Variants in UFL1 observed in about 807,000 individuals in gnomAD.
The protein encoded by UFL1 is E3 UFM1-protein ligase 1.
A neutral mutation model predicts 99.3 loss-of-function variants in UFL1; 78 were observed. The observed-to-expected ratio is 0.79, with a 90% CI of 0.65 to 0.95. UFL1 has a LOEUF of 0.95. UFL1 is among the 40% of genes least tolerant of loss of function. The pLI is 0.00. For synonymous variants in UFL1, 335 were observed against 322.2 expected, an observed-to-expected ratio of 1.04 and a Z score of -0.42; for missense variants, 936 against 937.0, an observed-to-expected ratio of 1.00 and a Z score of 0.01.
chr6:96,522,161 C>G (rs1366589996), intron 1 of UFL1, among the ~76,000 whole-genome samples: 1 of 152,208 alleles, frequency 6.6e-6, no homozygotes, highest in Non-Finnish European at 1.5e-5. Flanking sequence ...CTGGAGCCCC[C>G]CAGCCCAGCT....
chr6:96,522,719 A>G (rs981633197), intron 1 of UFL1: 1 of 153,664 alleles, frequency 6.5e-6, no homozygotes, highest in Non-Finnish European at 1.4e-5. Context: ...GCCTGCTTGC[A>G]GACCATGTGT....
At chr6:96,545,401 A>T (rs1337979553) in intron 12 of UFL1, among the ~76,000 whole-genome samples, 1 of 151,054 alleles carries the variant, frequency 6.6e-6, no homozygotes, top group African/African-American at 2.4e-5. Flanking sequence ...CAGTAGCTGC[A>T]TACAAACTTT....
Position 96,536,286 on chromosome 6 carries a change from C to T in UFL1, c.698C>T (p.Thr233Ile). Reference protein sequence around the residue: ...ELVNSGRLRGTVVGGRQDKAV... With the variant: ...ELVNSGRLRGIVVGGRQDKAV... ...GTTAATAGCGGACGCTTACGAGGCACTGTGGTTGGTGGGAGACAGGATAAA... is the reference window on the plus strand; with the variant it reads ...GTTAATAGCGGACGCTTACGAGGCATTGTGGTTGGTGGGAGACAGGATAAA... The change falls in exon 8 of 19, where the codon ACT becomes ATT. Residue 233 changes from threonine to isoleucine, a missense_variant. Physicochemically the swap from Thr to Ile is moderately conservative, Grantham distance 89. Coordinates refer to ENST00000369278, the MANE Select transcript of UFL1 (RefSeq NM_015323.5). 6.2e-7 allele frequency: 1 copy of T among 1,610,788 alleles called. No homozygotes were observed. Among genetic ancestry groups the T allele is most frequent in the Non-Finnish European group, 8.5e-7 (1 of 1,177,738 alleles).
rs138363657 is a variant in UFL1 at position 96,535,460 on chromosome 6, A to G, written c.656-784A>G. 7.2e-3 allele frequency among the ~76,000 whole-genome samples: 1,095 copies of G among 152,086 alleles called. 11 individuals carry two copies. The highest frequency in any genetic ancestry group is 0.022 in the African/African-American group (924 of 41,530). On this transcript the variant is annotated intron_variant, in intron 7 of 18. Transcript: ENST00000369278. ...CACCTTCCGCTTCGTGGTGGTGGTG[A>G]TGGTAGTGATATTTAGTTAGTATTT... is the stretch of plus-strand genomic sequence containing the variant.
At chr6:96,545,324 A>G (rs1769984881) in intron 12 of UFL1, among the ~76,000 whole-genome samples, 1 of 151,108 alleles carries the variant, frequency 6.6e-6, no homozygotes, top group African/African-American at 2.4e-5. Context: ...TTTTTTGTCT[A>G]CAACCCATGC....
Position 96,523,285 on chromosome 6 carries a change from C to T in UFL1, c.217C>T (p.Arg73Ter). Reference protein sequence around the residue: ...SKEMRDELHVRGGRVNIVDLQ... With the variant: ...SKEMRDELHV Reference sequence around the variant, plus strand: ...AGAAATGAGAGATGAGCTACATGTCCGAGGTGGTAGGTAATTCTTTAGTGT... The same window carrying T: ...AGAAATGAGAGATGAGCTACATGTCTGAGGTGGTAGGTAATTCTTTAGTGT... The change falls in exon 2 of 19, where the codon CGA becomes TGA. Residue 73 changes from arginine (R) to a stop codon, truncating the protein, a stop_gained. Coordinates refer to ENST00000369278, the MANE Select transcript of UFL1 (RefSeq NM_015323.5). LOFTEE classifies it high-confidence loss of function. 1.3e-6 allele frequency: 2 copies of T among 1,588,742 alleles called. No homozygotes were observed. Among genetic ancestry groups the T allele is most frequent in the Non-Finnish European group, 1.7e-6 (2 of 1,171,436 alleles).
intron 1 of UFL1, 175 bp from the exon 2 acceptor site, chr6:96,522,971 C>A (rs1016130949): frequency 1.9e-6 from 1 of 514,632 alleles, no homozygotes. Context: ...CCTACTTACT[C>A]TGAAAGGTTT....
intron 6 of UFL1, among the ~76,000 whole-genome samples, chr6:96,531,147 C>T (rs564204359): frequency 6.6e-6 from 1 of 152,322 alleles, no homozygotes; most frequent in South Asian, 2.1e-4. Context: ...CATCCTGAAA[C>T]CATCCCCCAC....
At chr6:96,551,725 A>G in intron 16 of UFL1, 113 bp from the exon 17 acceptor site, 1 of 794,152 alleles carries the variant, frequency 1.3e-6, no homozygotes, top group Non-Finnish European at 2.0e-6. Context: ...TGAGAAAGTG[A>G]CCCTTTTAAA....
intron 5 of UFL1, among the ~76,000 whole-genome samples, 183 bp downstream of exon 5, chr6:96,526,618 G>A (rs987538446): frequency 1.3e-5 from 2 of 152,166 alleles, no homozygotes; most frequent in African/African-American, 4.8e-5. Flanking sequence ...TAATGGTTCT[G>A]AGGAGGCAGT....
chr6:96,553,269 C>A lies in UFL1; in HGVS notation c.2167-16C>A. The A allele has an allele frequency of 6.2e-7, 1 of 1,605,240 alleles. No homozygotes were observed. Among genetic ancestry groups the A allele is most frequent in the Non-Finnish European group, 8.5e-7 (1 of 1,175,690 alleles). On this transcript the variant is annotated splice_polypyrimidine_tract_variant and intron_variant, in intron 18 of 18. Transcript: ENST00000369278. The stretch of plus-strand genomic sequence containing the variant: ...AGATAAATTGTGTTGATTAACTTTT[C>A]TTTCCCTTTTCACAGGATCAGCATG...
At chr6:96,549,831 G>C (rs1208255604) in intron 15 of UFL1, 32 bp downstream of exon 15, 1 of 1,606,052 alleles carries the variant, frequency 6.2e-7, no homozygotes. Context: ...CACTATTGAT[G>C]TGTTCTGTTT....
At chr6:96,522,356 A>G (rs1284071648) in intron 1 of UFL1, among the ~76,000 whole-genome samples, 1 of 152,084 alleles carries the variant, frequency 6.6e-6, no homozygotes, top group East Asian at 1.9e-4. Context: ...CGCCCCCAGT[A>G]CAGTACTTGG....
intron 1 of UFL1, 63 bp downstream of exon 1, chr6:96,522,013 C>G (rs1389946534): frequency 6.5e-7 from 1 of 1,542,516 alleles, no homozygotes; most frequent in South Asian, 1.2e-5. Flanking sequence ...ACGCCTGTAT[C>G]TGGGACTTTA....
chr6:96,546,038 A>G (rs760478460), intron 12 of UFL1, among the ~76,000 whole-genome samples: 1 of 151,224 alleles, frequency 6.6e-6, no homozygotes, highest in Non-Finnish European at 1.5e-5. Flanking sequence ...GGCAAAAGAA[A>G]GAAATAAAAG....
chr6:96,534,226 G>A, intron 6 of UFL1, 37 bp from the exon 7 acceptor site: 1 of 1,342,636 alleles, frequency 7.4e-7, no homozygotes, highest in Non-Finnish European at 1.0e-6. Context: ...ACACTATAAT[G>A]AGTAAGAAGT....
intron 11 of UFL1, among the ~76,000 whole-genome samples, chr6:96,542,497 G>T (rs1769944789): frequency 6.6e-6 from 1 of 151,264 alleles, no homozygotes. Context: ...ATAATAGAAG[G>T]TTATTGATGA....
intron 6 of UFL1, 134 bp from the exon 7 acceptor site, chr6:96,534,129 T>C: frequency 2.0e-6 from 1 of 504,794 alleles, no homozygotes. Flanking sequence ...GATTTAAAAT[T>C]TGGTGTAATT....
At chr6:96,552,437 T>G (rs377166919) in intron 17 of UFL1, 45 bp from the exon 18 acceptor site, 8 of 1,500,460 alleles carry the variant, frequency 5.3e-6, no homozygotes, top group Non-Finnish European at 7.1e-6. Flanking sequence ...GGTGAGAACT[T>G]CTTAAATTAT....
Sources: gnomAD v4.1 joint callset for allele counts (sites outside exome capture counted in the v4.1 genomes callset) on GRCh38, gnomAD v4.1.1 for gene constraint, MANE v1.5 for transcripts, NCBI Gene and HGNC (gene_info 2026-07-23, HGNC 2026-07-21) for gene names.